IGFL4: variants seen among roughly 807,000 people sequenced by gnomAD.
The protein encoded by IGFL4 is IGF like family member 4, also known as insulin growth factor-like family member 4.
IGFL4 carries 12 observed loss-of-function variants against 15.4 expected under a neutral mutation model. That is an observed-to-expected ratio of 0.78 (90% CI 0.50 to 1.26). The LOEUF (loss-of-function observed/expected upper bound fraction) is 1.26, where lower values mean the gene tolerates loss of function less well. Ranked by LOEUF, IGFL4 falls within the 50% of genes most tolerant of loss-of-function variation. The probability of loss-of-function intolerance (pLI) is 0.00; values close to 1 mark genes in which losing one functional copy is unlikely to be tolerated. For missense variants in IGFL4, 126 were observed against 147.8 expected (o/e 0.85, Z 0.76); for synonymous variants, 54 against 55.9 (o/e 0.97, Z 0.16).
Position 46,039,831 on chromosome 19 carries a change from C to T in IGFL4, c.*61G>A. 7.3e-7 allele frequency: 1 copy of T among 1,363,936 alleles called. No individual in the cohort carries two copies. The highest frequency in any genetic ancestry group is 1.1e-6 in the Non-Finnish European group (1 of 952,252). 84.5% of individuals were successfully genotyped at this position (1,363,936 alleles called of 1,614,324 possible). On this transcript the variant is annotated 3_prime_UTR_variant, in exon 4 of 4. Coordinates refer to ENST00000377697, the MANE Select transcript of IGFL4 (RefSeq NM_001002923.3). The stretch of plus-strand genomic sequence containing the variant: ...TGTCACAACAACAACAAAATCAATG[C>T]AGTATAATTACCAAGTATTAGATTC...
At chr19:46,071,134 G>GA (rs1969541768) in intron 1 of IGFL4, among the ~76,000 whole-genome samples, 2 of 144,148 alleles carry the variant, frequency 1.4e-5, no homozygotes, top group Non-Finnish European at 3.1e-5. Flanking sequence ...ACATGATCCT[G>GA]TTTTTTTTTT....
chr19:46,042,161 G>A (rs1314978488), upstream of IGFL4, among the ~76,000 whole-genome samples: 2 of 121,762 alleles, frequency 1.6e-5, no homozygotes, highest in African/African-American at 6.6e-5. Context: ...TTCTTGACTG[G>A]ATGTCCAAGT....
At chr19:46,076,983 G>A (rs1007601717) in intron 1 of IGFL4, 7 of 152,184 alleles carry the variant, frequency 4.6e-5, no homozygotes, top group Non-Finnish European at 1.0e-4. Flanking sequence ...GGCCCCCTTT[G>A]GCTTCTTTAG....
At position 46,068,993 on chromosome 19, in the gene IGFL4, C is replaced by T. The variant is rs559984102; in HGVS notation, c.-432+8027G>A. Among the ~76,000 whole-genome samples the T allele has an allele frequency of 2.0e-5, 3 of 152,320 alleles. No homozygotes were observed. In the East Asian group the frequency reaches 5.8e-4, roughly 29 times the overall value. The stretch of plus-strand genomic sequence containing the variant: ...GGAGAGCATGTTTCCCCTCGGTCCT[C>T]TGATTCTGACTGGAGGGGCAGTGCT... On this transcript the variant is annotated intron_variant, in intron 1 of 5. Transcript: ENST00000601672.
chr19:46,062,786 C>A (rs569536571), intron 1 of IGFL4: 1 of 152,242 alleles, frequency 6.6e-6, no homozygotes. Flanking sequence ...AAGTTTAGGC[C>A]GCCCCTTCTT....
At chr19:46,070,881 C>T (rs760585766) in intron 1 of IGFL4, among the ~76,000 whole-genome samples, 2 of 152,026 alleles carry the variant, frequency 1.3e-5, no homozygotes, top group Non-Finnish European at 2.9e-5. Flanking sequence ...TTTTCTTGGT[C>T]GATGTTTTGT....
At chr19:46,042,268 G>C (rs1319621403), upstream of IGFL4, among the ~76,000 whole-genome samples, 1 of 152,122 alleles carries the variant, frequency 6.6e-6, no homozygotes, top group Non-Finnish European at 1.5e-5. Context: ...TTATCAATAT[G>C]CCTTCTCCTT....
chr19:46,068,844 G>A (rs904023316), intron 1 of IGFL4, among the ~76,000 whole-genome samples: 1 of 152,142 alleles, frequency 6.6e-6, no homozygotes, highest in Admixed American at 6.6e-5. Flanking sequence ...ATCACATTCG[G>A]GATTTTGCAA....
At chr19:46,069,782 G>C (rs1600679431) in intron 1 of IGFL4, among the ~76,000 whole-genome samples, 1 of 152,202 alleles carries the variant, frequency 6.6e-6, no homozygotes, top group African/African-American at 2.4e-5. Flanking sequence ...ACTTTAATTA[G>C]AGTGTTTAGT....
intron 1 of IGFL4, among the ~76,000 whole-genome samples, chr19:46,074,714 T>C (rs1461666720): frequency 6.6e-6 from 1 of 152,220 alleles, no homozygotes; most frequent in African/African-American, 2.4e-5. Context: ...GCTGATTAGA[T>C]GGTGCCCACC....
Position 46,040,744 on chromosome 19 carries a change from G to A in IGFL4, c.20-176C>T, listed in dbSNP as rs1003467879. On this transcript the variant is annotated intron_variant, in intron 1 of 3. Coordinates refer to ENST00000377697, the MANE Select transcript of IGFL4 (RefSeq NM_001002923.3). The surrounding 1 kb of genome is among the most constrained non-coding windows in gnomAD (Gnocchi z 4.1). ...CTTGGCAGGTGAGGAAAGGCAGGGA[G>A]GGCTCTGGGAAAAGTTAAGCTTCTG... is the stretch of plus-strand genomic sequence containing the variant. 3.3e-5 allele frequency: 31 copies of A among 938,666 alleles called. No homozygotes were observed. The African/African-American group carries it at 4.8e-4, about 15-fold the overall frequency. The allele number at this position is 938,666 out of a possible 1,614,324, so 58.1% of individuals were successfully genotyped here. A position where few individuals can be genotyped will look rare whatever the true frequency, so the allele number is the denominator to read the frequency against.
chr19:46,055,767 G>A (rs938916664), intron 2 of IGFL4, among the ~76,000 whole-genome samples: 3 of 151,964 alleles, frequency 2.0e-5, no homozygotes, highest in African/African-American at 7.3e-5. Context: ...AAAGTTTTGT[G>A]AGAGCTCAGT....
chr19:46,049,423 G>C (rs563453490), intron 2 of IGFL4, among the ~76,000 whole-genome samples: 11 of 152,298 alleles, frequency 7.2e-5, no homozygotes, highest in South Asian at 2.1e-4. Context: ...GTGCTGTTAG[G>C]GGGGCATAGT....
At chr19:46,045,195 A>G (rs1036058820), upstream of IGFL4, among the ~76,000 whole-genome samples, 3 of 152,162 alleles carry the variant, frequency 2.0e-5, no homozygotes, top group Non-Finnish European at 4.4e-5. Flanking sequence ...CTTTAATCCC[A>G]GCACTTTGGG....
At chr19:46,053,919 C>CT in intron 2 of IGFL4, among the ~76,000 whole-genome samples, 1 of 152,206 alleles carries the variant, frequency 6.6e-6, no homozygotes, top group East Asian at 1.9e-4. Context: ...TTTATGTCTT[C>CT]TTTTGAGAAA....
chr19:46,074,839 A>T (rs1029362482), intron 1 of IGFL4, among the ~76,000 whole-genome samples: 1 of 152,218 alleles, frequency 6.6e-6, no homozygotes, highest in African/African-American at 2.4e-5. Context: ...AATCCAATCG[A>T]GTTGACAGTC....
chr19:46,063,625 C>T (rs1057297037), intron 1 of IGFL4, among the ~76,000 whole-genome samples: 1 of 152,154 alleles, frequency 6.6e-6, no homozygotes, highest in Admixed American at 6.6e-5. Flanking sequence ...GAGCCCTGCG[C>T]AGAGGAGATG....
Position 46,059,599 on chromosome 19 carries a change from A to C in IGFL4, c.-323+586T>G, listed in dbSNP as rs758179357. The C allele has an allele frequency of 2.3e-4, 35 of 152,202 alleles. 1 individual carries two copies. Among genetic ancestry groups the C allele is most frequent in the Non-Finnish European group, 4.4e-4 (30 of 68,040 alleles). 9.4% of individuals were successfully genotyped at this position (152,202 alleles called of 1,614,324 possible). A position where few individuals can be genotyped will look rare whatever the true frequency, so the allele number is the denominator to read the frequency against. The stretch of plus-strand genomic sequence containing the variant: ...AAAACCCTCAAAAACAACTGATGAG[A>C]TTAGAATCTAATAACAGGTGTACCA... On this transcript the variant is annotated intron_variant, in intron 2 of 5. Transcript: ENST00000601672.
At chr19:46,046,772 A>T (rs1345703657) in intron 2 of IGFL4, among the ~76,000 whole-genome samples, 1 of 152,234 alleles carries the variant, frequency 6.6e-6, no homozygotes, top group African/African-American at 2.4e-5. Context: ...GTTCTTACAG[A>T]TCTACAAGAG....
Sources: allele counts gnomAD v4.1 joint callset (sites outside exome capture counted in the v4.1 genomes callset), GRCh38; gene constraint gnomAD v4.1.1; non-coding constraint Gnocchi (gnomAD v3.1); transcripts MANE v1.5; gene names NCBI Gene and HGNC (gene_info 2026-07-23, HGNC 2026-07-21).